The following PI4KA variants were observed in gnomAD, a reference collection of about 807,000 sequenced individuals.
PI4KA encodes phosphatidylinositol 4-kinase alpha, also known as PI4-kinase alpha.
In PI4KA, 122 loss-of-function variants were observed where a neutral mutation model predicts 271.4. That is an observed-to-expected ratio of 0.45 (90% confidence interval 0.39 to 0.52). The LOEUF (loss-of-function observed/expected upper bound fraction) is 0.52. Ranked by LOEUF, PI4KA falls within the 20% of genes least tolerant of loss-of-function variation. The pLI is 0.00. For synonymous variants in PI4KA, 1,041 were observed against 1,078.8 expected (o/e 0.96, Z 0.69); for missense variants, 1,969 against 2,769.1 (o/e 0.71, Z 6.48).
chr22:20,820,374 C>T (rs1242062066), intron 5 of PI4KA, among the ~76,000 whole-genome samples, 165 bp downstream of exon 5: 3 of 151,972 alleles, frequency 2.0e-5, no homozygotes, highest in Non-Finnish European at 4.4e-5. Context: ...TGCACATGAC[C>T]CCATGTGGCC....
At position 20,858,770 on chromosome 22, in the gene PI4KA, C is replaced by T. The variant is rs1928008468; in HGVS notation, c.-45G>A. On this transcript the variant is annotated 5_prime_UTR_variant, in exon 1 of 55. Transcript: ENST00000255882. ...CTGCCCGCCGGCTCCCCGCTCCTGG[C>T]CCGCGAGCGCCCGACCTCAGGGCGC... The T allele has an allele frequency of 3.7e-6, 5 of 1,368,726 alleles. No individual in the cohort carries two copies. The highest frequency in any genetic ancestry group is 3.0e-5 in the African/African-American group (2 of 65,596). The allele number at this position is 1,368,726 out of a possible 1,614,324, so 84.8% of individuals were successfully genotyped here.
chr22:20,772,030 C>A (rs1932897368), intron 19 of PI4KA, among the ~76,000 whole-genome samples: 1 of 152,228 alleles, frequency 6.6e-6, no homozygotes, highest in Non-Finnish European at 1.5e-5. Context: ...TGAGGACTAA[C>A]ATTTTCTGAA....
At chr22:20,813,951 G>A (rs149008073) in intron 7 of PI4KA, among the ~76,000 whole-genome samples, 44 of 152,124 alleles carry the variant, frequency 2.9e-4, no homozygotes, top group African/African-American at 9.4e-4. Flanking sequence ...GATGCCCGTC[G>A]CCACACCTAG....
At chr22:20,710,905 G>A (rs761035164) in intron 51 of PI4KA, 47 bp from the exon 52 acceptor site, 26 of 1,604,378 alleles carry the variant, frequency 1.6e-5, no homozygotes, top group Middle Eastern at 2.3e-4. Flanking sequence ...GAGCCAGGGC[G>A]GGCAAGGACA....
intron 7 of PI4KA, among the ~76,000 whole-genome samples, chr22:20,815,379 CAAAAAAAAA>C (rs361826): frequency 1.2e-5 from 1 of 83,970 alleles, no homozygotes; most frequent in African/African-American, 4.5e-5. Flanking sequence ...GACTGCGTCT[CAAAAAAAAA>C]AAAAAAAAAA....
chr22:20,733,755 T>C lies in PI4KA; in HGVS notation c.4141A>G (p.Thr1381Ala). The change falls in exon 35 of 55, where the codon ACT (threonine) becomes GCT (alanine). Residue 1381 changes from threonine (T) to alanine (A), a missense_variant. Around this residue, in one of 13 missense-constraint regions of PI4KA, gnomAD observed 72 missense variants for 103.1 expected, o/e 0.70. Transcript: ENST00000255882. ...GAGTACCTGAAGTAGTCAAAGGCAGTGGAGTAGATCTTCTCGCGAAGCACA... is the reference window on the plus strand; with the variant it reads ...GAGTACCTGAAGTAGTCAAAGGCAGCGGAGTAGATCTTCTCGCGAAGCACA... Reference protein sequence around the residue: ...RNVLREKIYSTAFDYFSCPPK... With the variant: ...RNVLREKIYSAAFDYFSCPPK... The C allele has an allele frequency of 1.2e-6, 2 of 1,613,658 alleles. No homozygotes were observed. Among genetic ancestry groups the C allele is most frequent in the Non-Finnish European group, 1.7e-6 (2 of 1,179,834 alleles).
chr22:20,820,359 A>T (rs737898), intron 5 of PI4KA, among the ~76,000 whole-genome samples, 180 bp downstream of exon 5: 4,493 of 152,270 alleles, frequency 0.03, 88 homozygotes, highest in Middle Eastern at 0.061. Context: ...TATGTAGCAG[A>T]GCAATGCACA....
intron 22 of PI4KA, among the ~76,000 whole-genome samples, chr22:20,762,965 G>A (rs1932124419): frequency 7.3e-6 from 1 of 137,166 alleles, no homozygotes; most frequent in Non-Finnish European, 1.5e-5. Flanking sequence ...TGAGTAGCTG[G>A]GACTACAGGC....
intron 19 of PI4KA, among the ~76,000 whole-genome samples, chr22:20,778,328 C>T (rs1933465685): frequency 6.6e-6 from 1 of 151,978 alleles, no homozygotes; most frequent in African/African-American, 2.4e-5. Flanking sequence ...GAGCAAAACC[C>T]CATCTCTACT....
At chr22:20,823,759 C>A (rs930508645) in intron 4 of PI4KA, among the ~76,000 whole-genome samples, 2 of 151,898 alleles carry the variant, frequency 1.3e-5, no homozygotes, top group Non-Finnish European at 2.9e-5. Context: ...GGCAACATGG[C>A]GAAACCTTGT....
At chr22:20,763,332 G>A (rs994446002) in intron 22 of PI4KA, among the ~76,000 whole-genome samples, 1 of 151,956 alleles carries the variant, frequency 6.6e-6, no homozygotes, top group South Asian at 2.1e-4. Flanking sequence ...GACTGGTCTC[G>A]AACTCCTGAC....
intron 4 of PI4KA, among the ~76,000 whole-genome samples, chr22:20,823,367 C>A (rs1922961857): frequency 6.6e-6 from 1 of 151,970 alleles, no homozygotes; most frequent in African/African-American, 2.4e-5. Context: ...TTTAGCCAAC[C>A]TACAAATAAA....
chr22:20,784,015 C>T, intron 19 of PI4KA: 1 of 1,614,198 alleles, frequency 6.2e-7, no homozygotes, highest in Non-Finnish European at 8.5e-7. Flanking sequence ...CACACAACCA[C>T]AACTTCCGGC....
chr22:20,827,846 G>T (rs914766676), intron 3 of PI4KA, among the ~76,000 whole-genome samples: 1 of 152,062 alleles, frequency 6.6e-6, no homozygotes, highest in Admixed American at 6.6e-5. Context: ...CCAGGCTGGA[G>T]GGCAGTGGCA....
At chr22:20,848,244 A>G (rs1601617069) in intron 1 of PI4KA, among the ~76,000 whole-genome samples, 1 of 151,368 alleles carries the variant, frequency 6.6e-6, no homozygotes, top group Admixed American at 6.6e-5. Flanking sequence ...TCTCAAAAAA[A>G]AAAAAAAAAA....
At chr22:20,851,072 T>A (rs1198957374) in intron 1 of PI4KA, among the ~76,000 whole-genome samples, 2 of 151,968 alleles carry the variant, frequency 1.3e-5, no homozygotes, top group Non-Finnish European at 2.9e-5. Context: ...TTTTTAAAAA[T>A]GTCTAGGCCA....
intron 1 of PI4KA, among the ~76,000 whole-genome samples, chr22:20,844,070 C>A (rs1034964153): frequency 1.3e-5 from 2 of 152,146 alleles, no homozygotes; most frequent in Admixed American, 1.3e-4. Context: ...CAGACCCCAG[C>A]AACTTGATGT....
At chr22:20,726,785 C>G (rs1431839138) in intron 41 of PI4KA, among the ~76,000 whole-genome samples, 1 of 152,174 alleles carries the variant, frequency 6.6e-6, no homozygotes, top group African/African-American at 2.4e-5. Context: ...GAGCCTGCCT[C>G]AGGGAATGGT....
rs778623663 is a variant in PI4KA, at chr22:20,717,762, C to T, written c.5263G>A (p.Asp1755Asn). ...GACAGACAAGCCTTCTTTCTCTCGT[C>T]GCCTTTAGGGTAGGGCCTGAGAAAC... is the stretch of plus-strand genomic sequence containing the variant. ...SAIIKPYPKGDERKKACLSAL... is the reference protein window; with the variant it reads ...SAIIKPYPKGNERKKACLSAL... Residue 1755 changes from aspartate (D) to asparagine (N), a missense_variant, in exon 45 of 55, where the codon GAC becomes AAC. By Grantham distance (23) the Asp-to-Asn change is conservative. This residue lies in a region of PI4KA where 388 missense variants were observed against 521.5 expected (regional missense o/e 0.74). Coordinates refer to ENST00000255882, the MANE Select transcript of PI4KA (RefSeq NM_058004.4). The T allele has an allele frequency of 5.1e-6, 8 of 1,573,412 alleles. No individual in the cohort carries two copies. Among genetic ancestry groups the T allele is most frequent in the African/African-American group, 1.3e-5 (1 of 74,114 alleles).
Sources: gnomAD v4.1 joint callset for allele counts (sites outside exome capture counted in the v4.1 genomes callset) on GRCh38, gnomAD v4.1.1 for gene constraint, gnomAD v4.1.1 regional missense constraint, MANE v1.5 for transcripts, NCBI Gene and HGNC (gene_info 2026-07-23, HGNC 2026-07-21) for gene names.